Variants in UTY observed in about 807,000 individuals in gnomAD.
UTY encodes histone demethylase UTY.
Under a neutral mutation model 32.5 loss-of-function variants are expected in UTY, and 12 were observed. That is an observed-to-expected ratio of 0.37 (90% CI 0.24 to 0.60). The LOEUF (loss-of-function observed/expected upper bound fraction) is 0.60. Among genes scored for constraint, UTY ranks in the 20% least tolerant of loss-of-function variants. The pLI is 0.69. For missense variants in UTY, 303 were observed against 299.2 expected (o/e 1.01, Z -0.09); for synonymous variants, 131 against 103.4 (o/e 1.27, Z -1.62).
chrY:13,367,430 C>T, intron 9 of UTY, among the ~76,000 whole-genome samples: 1 of 33,274 alleles, frequency 3.0e-5, no homozygotes, highest in African/African-American at 1.2e-4. Context: ...AGATTATGAA[C>T]TACAGCTACA....
At chrY:13,283,144 T>C in intron 27 of UTY, among the ~76,000 whole-genome samples, 1 of 34,592 alleles carries the variant, frequency 2.9e-5, no homozygotes, top group African/African-American at 1.1e-4. Context: ...TGGCTTGACT[T>C]GGTAAGACCA....
chrY:13,247,358 G>C (rs912320083), downstream of UTY, among the ~76,000 whole-genome samples: 8 of 33,059 alleles, frequency 2.4e-4, no homozygotes, highest in Non-Finnish European at 5.2e-4. Context: ...CTTCTGAAAA[G>C]TATTACTCTC....
intron 15 of UTY, 120 bp from the exon 16 acceptor site, chrY:13,356,138 T>C: frequency 6.5e-6 from 1 of 153,702 alleles, no homozygotes; most frequent in Non-Finnish European, 1.2e-5. Context: ...TGATTCCTAA[T>C]GAACGTTAAG....
At chrY:13,253,614 C>A in intron 28 of UTY, among the ~76,000 whole-genome samples, 1 of 33,735 alleles carries the variant, frequency 3.0e-5, no homozygotes. Context: ...AGAATTTAAA[C>A]AAGCTATAAA....
chrY:13,476,024 A>G, intron 2 of UTY: 1 of 219,053 alleles, frequency 4.6e-6, no homozygotes, highest in Non-Finnish European at 5.5e-6. Context: ...GTGAAACTCC[A>G]TCTCGGGGGA....
chrY:13,449,007 T>C lies in UTY; in HGVS notation c.375+10A>G. 2.6e-6 allele frequency: 1 copy of C among 383,292 alleles called. No individual in the cohort carries two copies. Among genetic ancestry groups the C allele is most frequent in the Non-Finnish European group, 3.6e-6 (1 of 274,155 alleles). ...GGAAATAAAAACTGGCATTGAAAAT[T>C]TGTACCAACCTTCCAGTAGTCAGCC... On this transcript the variant is annotated intron_variant, in intron 4 of 29. Coordinates refer to ENST00000545955, the MANE Select transcript of UTY (RefSeq NM_001258249.2).
At chrY:13,245,659 A>C, downstream of UTY, among the ~76,000 whole-genome samples, 1 of 34,237 alleles carries the variant, frequency 2.9e-5, no homozygotes, top group Non-Finnish European at 7.3e-5. Context: ...TCTTCCCTGG[A>C]CTTTTAGTCT....
chrY:13,323,614 G>C lies in UTY; in HGVS notation c.3217C>G (p.His1073Asp). The C allele has an allele frequency of 5.0e-6, 2 of 397,808 alleles. No individual in the cohort carries two copies. Among genetic ancestry groups the C allele is most frequent in the Non-Finnish European group, 7.1e-6 (2 of 282,766 alleles). Residue 1073 changes from histidine to aspartate, a missense_variant, in exon 21 of 30, where the codon CAT becomes GAT. Physicochemically the swap from His to Asp is moderately conservative, Grantham distance 81. Transcript: ENST00000545955. Reference sequence around the variant, plus strand: ...TGTGCGTATTTGGCAATTGTAGTATGAGATCTATTGCTTTCACAACGCCAG... The same window carrying C: ...TGTGCGTATTTGGCAATTGTAGTATCAGATCTATTGCTTTCACAACGCCAG... ...KIWRCESNRS[H>D]TTIAKYAQYQ...
chrY:13,304,946 G>T (rs2058578535), intron 24 of UTY, among the ~76,000 whole-genome samples: 1 of 24,430 alleles, frequency 4.1e-5, no homozygotes, highest in Non-Finnish European at 9.2e-5. Flanking sequence ...AATAAATGAC[G>T]CATGAAAAAA....
intron 28 of UTY, among the ~76,000 whole-genome samples, chrY:13,236,092 A>C: frequency 3.0e-5 from 1 of 33,176 alleles, no homozygotes; most frequent in African/African-American, 1.2e-4. Flanking sequence ...AACTGAAGTA[A>C]CTATAAAAAG....
At chrY:13,443,665 T>C in intron 4 of UTY, among the ~76,000 whole-genome samples, 2 of 33,601 alleles carry the variant, frequency 6.0e-5, no homozygotes, top group African/African-American at 2.3e-4. Context: ...AGTAAATTTT[T>C]TGAAACAGAA....
intron 4 of UTY, 24 bp from the exon 5 acceptor site, chrY:13,414,817 AC>A (rs2071464090): frequency 2.9e-6 from 1 of 342,167 alleles, no homozygotes; most frequent in African/African-American, 7.0e-5. Flanking sequence ...ACACAAAACA[AC>A]CTTTATAACA....
chrY:13,440,588 C>A (rs769944799), intron 4 of UTY, among the ~76,000 whole-genome samples: 1 of 33,436 alleles, frequency 3.0e-5, no homozygotes, highest in East Asian at 7.9e-4. Flanking sequence ...TATATCAAAC[C>A]CTTTATAAGC....
intron 23 of UTY, chrY:13,305,781 T>A: frequency 1.0e-5 from 1 of 99,646 alleles, no homozygotes; most frequent in Non-Finnish European, 1.4e-5. Context: ...TTACTTTCTA[T>A]TTATAAAGTT....
chrY:13,363,005 G>A, intron 10 of UTY, among the ~76,000 whole-genome samples: 1 of 32,245 alleles, frequency 3.1e-5, no homozygotes, highest in Non-Finnish European at 7.6e-5. Flanking sequence ...CTGGGTTCAG[G>A]TGATTCTCCC....
chrY:13,328,938 AATTT>A (rs2060458605), intron 18 of UTY, among the ~76,000 whole-genome samples: 1 of 33,661 alleles, frequency 3.0e-5, no homozygotes, highest in Non-Finnish European at 7.4e-5. Flanking sequence ...AAAACATATC[AATTT>A]ATTTAATTAT....
chrY:13,451,870 C>T (rs779120760), intron 3 of UTY, among the ~76,000 whole-genome samples: 1 of 33,331 alleles, frequency 3.0e-5, no homozygotes, highest in East Asian at 7.9e-4. Flanking sequence ...GCTGTCTGCA[C>T]GTTAGTGGAG....
At chrY:13,238,184 A>T (rs2053867728) in intron 28 of UTY, among the ~76,000 whole-genome samples, 1 of 33,536 alleles carries the variant, frequency 3.0e-5, no homozygotes, top group Non-Finnish European at 7.4e-5. Flanking sequence ...AGCAGGTTTA[A>T]TCCCCTACCT....
chrY:13,467,272 G>A, intron 3 of UTY, among the ~76,000 whole-genome samples: 1 of 33,820 alleles, frequency 3.0e-5, no homozygotes, highest in South Asian at 6.5e-4. Flanking sequence ...AAATGTCAGC[G>A]TTATTCTTCT....
Sources: gnomAD v4.1 joint callset for allele counts (sites outside exome capture counted in the v4.1 genomes callset) on GRCh38, gnomAD v4.1.1 for gene constraint, MANE v1.5 for transcripts, NCBI Gene and HGNC (gene_info 2026-07-23, HGNC 2026-07-21) for gene names.